Variants in GAK observed in about 807,000 individuals in gnomAD.
GAK encodes cyclin-G-associated kinase.
A neutral mutation model predicts 143.9 loss-of-function variants in GAK; 79 were observed. That is an observed-to-expected ratio of 0.55 (90% confidence interval 0.46 to 0.66). The LOEUF (loss-of-function observed/expected upper bound fraction) is 0.66. GAK is among the 30% of genes least tolerant of loss of function. GAK has a pLI of 0.00. For synonymous variants in GAK, 881 were observed against 765.5 expected (o/e 1.15, Z -2.49); for missense variants, 1,693 against 1,779.7 (o/e 0.95, Z 0.88).
intron 24 of GAK, among the ~76,000 whole-genome samples, chr4:857,034 A>G (rs747490557): frequency 2.0e-5 from 3 of 152,010 alleles, no homozygotes; most frequent in Non-Finnish European, 2.9e-5. Context: ...AGTTAATATG[A>G]TATCAGATTA....
chr4:894,727 A>G (rs963022270), intron 7 of GAK: 1 of 152,268 alleles, frequency 6.6e-6, no homozygotes, highest in Non-Finnish European at 1.5e-5. Context: ...TCACGCCTGT[A>G]ATCCCAGCAC....
chr4:898,071 T>C lies in GAK; in HGVS notation c.613A>G (p.Ser205Gly). Reference sequence around the variant, plus strand: ...AGGGCTCGCCTCTGGGCGCTCCAGCTGTAGTCAGGGTAGTGCGAGATGGTC... The same window carrying C: ...AGGGCTCGCCTCTGGGCGCTCCAGCCGTAGTCAGGGTAGTGCGAGATGGTC... ...ATTISHYPDY[S>G]WSAQRRALVE... is the part of the protein sequence containing the mutation. Residue 205 changes from serine (S) to glycine (G), a missense_variant, in exon 6 of 28, where the codon AGC (serine) becomes GGC (glycine). By Grantham distance (56) the Ser-to-Gly change is moderately conservative. This residue lies in a region of GAK where 871 missense variants were observed against 991.0 expected (regional missense o/e 0.88). Transcript: ENST00000314167. The C allele has an allele frequency of 6.2e-7, 1 of 1,614,066 alleles. No homozygotes were observed. The highest frequency in any genetic ancestry group is 8.5e-7 in the Non-Finnish European group (1 of 1,179,972).
At chr4:920,280 C>G (rs1284320132) in intron 1 of GAK, among the ~76,000 whole-genome samples, 1 of 151,280 alleles carries the variant, frequency 6.6e-6, no homozygotes, top group Non-Finnish European at 1.5e-5. Context: ...TGCACTCCAA[C>G]CTGGGCGACA....
At chr4:885,365 T>C (rs1262678488) in intron 11 of GAK, among the ~76,000 whole-genome samples, 1 of 152,170 alleles carries the variant, frequency 6.6e-6, no homozygotes. Flanking sequence ...CACCTGAGGT[T>C]GGGAGTTTGA....
In GAK at chr4:881,926, T is replaced by C. The variant is rs770595312; in HGVS notation, c.1642A>G (p.Ile548Val). 2 of 1,591,814 alleles carry C rather than the reference T, an allele frequency of 1.3e-6. No homozygotes were observed. The highest frequency in any genetic ancestry group is 1.7e-6 in the Non-Finnish European group (2 of 1,168,944). The change falls in exon 15 of 28, where the codon ATC becomes GTC. Residue 548 changes from isoleucine (I) to valine (V), a missense_variant. This residue lies in a region of GAK where 871 missense variants were observed against 991.0 expected (regional missense o/e 0.88). Transcript: ENST00000314167. The stretch of plus-strand genomic sequence containing the variant: ...CAGTACCTTTTGTGGGATGGCCAGA[T>C]GCCTGGTGGGCAGCGCTTCATGCTG... Reference protein sequence around the residue: ...MFSMKRCPPGIWPSHKRYIEY... With the variant: ...MFSMKRCPPGVWPSHKRYIEY...
At chr4:902,610 A>AAAAAAAAAAAAAAC (rs1720131458) in intron 5 of GAK, among the ~76,000 whole-genome samples, 1 of 150,210 alleles carries the variant, frequency 6.7e-6, no homozygotes, top group African/African-American at 2.5e-5. Context: ...AAAAAAAAAA[A>AAAAAAAAAAAAAAC]AAAACCCCAA....
At chr4:898,232 G>C (rs917792816) in intron 5 of GAK, 74 bp from the exon 6 acceptor site, 1 of 1,564,986 alleles carries the variant, frequency 6.4e-7, no homozygotes, top group South Asian at 1.2e-5. Flanking sequence ...ACGAACGGGT[G>C]TGAGACACAG....
intron 23 of GAK, among the ~76,000 whole-genome samples, chr4:860,106 C>A (rs903677716): frequency 1.3e-5 from 2 of 152,124 alleles, no homozygotes; most frequent in Non-Finnish European, 2.9e-5. Flanking sequence ...GGCTGGGCAA[C>A]ATAGAAATAC....
Position 849,944 on chromosome 4 carries a change from T to C in GAK, c.3782A>G (p.Glu1261Gly). 3.1e-6 allele frequency: 5 copies of C among 1,610,472 alleles called. No homozygotes were observed. Among genetic ancestry groups the C allele is most frequent in the Non-Finnish European group, 4.2e-6 (5 of 1,178,998 alleles). Residue 1261 changes from glutamate to glycine, a missense_variant, in exon 27 of 28, where the codon GAG becomes GGG. Glu to Gly is a moderately conservative substitution (Grantham distance 98). Transcript: ENST00000314167. The stretch of plus-strand genomic sequence containing the variant: ...GCGGCGATAGTGCTTCTTCACTTGC[T>C]CCGGAGCCACCAGGTCGGCCATGCC... ...PVGMADLVAP[E>G]QVKKHYRRAV...
Position 893,393 on chromosome 4 carries a change from T to C in GAK, c.974A>G (p.Lys325Arg), listed in dbSNP as rs764417080. ...CTCCCTCACCTCTGTGATGGGAGAC[T>C]TGGGGTTCACGTTGCGGGCGGCCGC... is the stretch of plus-strand genomic sequence containing the variant. ...EIAAARNVNP[K>R]SPITELLEQN... is the part of the protein sequence containing the mutation. Residue 325 changes from lysine (K) to arginine (R), a missense_variant, in exon 9 of 28, where the codon AAG becomes AGG. Transcript: ENST00000314167. 6.9e-6 allele frequency: 11 copies of C among 1,583,552 alleles called. No individual in the cohort carries two copies. The highest frequency in any genetic ancestry group is 8.6e-6 in the Non-Finnish European group (10 of 1,164,854).
chr4:866,926 G>T (rs1370118637), intron 21 of GAK, 30 bp downstream of exon 21: 1 of 1,419,120 alleles, frequency 7.0e-7, no homozygotes, highest in Admixed American at 2.4e-5. Flanking sequence ...CTACTGTGAA[G>T]CCACTCGCCT....
At chr4:924,318 G>A (rs1049069853) in intron 1 of GAK, among the ~76,000 whole-genome samples, 1 of 152,074 alleles carries the variant, frequency 6.6e-6, no homozygotes, top group Non-Finnish European at 1.5e-5. Context: ...GTGAGGAAGT[G>A]GAGAGCCAGG....
At chr4:888,640 G>T in intron 11 of GAK, 1 of 602,970 alleles carries the variant, frequency 1.7e-6, no homozygotes, top group African/African-American at 1.9e-5. Flanking sequence ...CCCCCCAGGC[G>T]ATGAAAGGAA....
rs767429207 is a variant in GAK at position 850,083 on chromosome 4, G to A, written c.3658-15C>T. 11 of 1,549,140 alleles carry A rather than the reference G, an allele frequency of 7.1e-6. No homozygotes were observed. Among genetic ancestry groups the A allele is most frequent in the Non-Finnish European group, 7.9e-6 (9 of 1,138,596 alleles). On this transcript the variant is annotated splice_polypyrimidine_tract_variant and intron_variant, in intron 26 of 27. Transcript: ENST00000314167. ...CAGTCCAGGAGCTGCGGGAGACACG[G>A]AGCTTGCCGAGCCCTGGGCACCTGC...
chr4:866,531 T>A lies in GAK; in HGVS notation c.2876A>T (p.Asp959Val), dbSNP rs767168450. The A allele has an allele frequency of 1.4e-5, 22 of 1,612,772 alleles. No homozygotes were observed. The highest frequency in any genetic ancestry group is 3.3e-5 in the Admixed American group (2 of 59,920). The change falls in exon 22 of 28, where the codon GAC (aspartate) becomes GTC (valine). Residue 959 changes from aspartate (D) to valine (V), a missense_variant. By Grantham distance (152) the Asp-to-Val change is radical (BLOSUM62 -3). Transcript: ENST00000314167. ...AGACGGCAGAAGCGGGCCAAAGGGG[T>A]CAGCTGTGGGGACAGGCGGGCATGG... ...TPRGGPPAAADPFGPLLPSSG... is the reference protein window; with the variant it reads ...TPRGGPPAAAVPFGPLLPSSG...
intron 15 of GAK, among the ~76,000 whole-genome samples, 166 bp from the exon 16 acceptor site, chr4:877,975 A>ATG (rs1265872859): frequency 3.3e-5 from 5 of 151,540 alleles, no homozygotes; most frequent in African/African-American, 7.3e-5. Flanking sequence ...AGTTATATAT[A>ATG]TATGTGTGTG....
chr4:912,398 G>C, intron 3 of GAK: 1 of 376,966 alleles, frequency 2.7e-6, no homozygotes, highest in South Asian at 2.2e-5. Flanking sequence ...ACGGCTCTCA[G>C]CCAGGTCTCC....
intron 24 of GAK, among the ~76,000 whole-genome samples, chr4:858,990 G>GCC (rs1749778396): frequency 6.6e-6 from 1 of 152,220 alleles, no homozygotes; most frequent in South Asian, 2.1e-4. Context: ...TGCAAGGGAG[G>GCC]CCCCTTCAGA....
At chr4:888,048 G>A (rs568661262) in intron 11 of GAK, 9 of 152,416 alleles carry the variant, frequency 5.9e-5, no homozygotes, top group African/African-American at 1.9e-4. Context: ...CCTGGTGCTG[G>A]GGACACAAAA....
Sources: gnomAD v4.1 joint callset for allele counts (sites outside exome capture counted in the v4.1 genomes callset) on GRCh38, gnomAD v4.1.1 for gene constraint, gnomAD v4.1.1 regional missense constraint, MANE v1.5 for transcripts, NCBI Gene and HGNC (gene_info 2026-07-23, HGNC 2026-07-21) for gene names.